STK3: variants seen among roughly 807,000 people sequenced by gnomAD.
STK3 encodes serine/threonine kinase 3.
STK3 carries 41 observed loss-of-function variants against 58.0 expected under a neutral mutation model. The ratio of observed to expected loss-of-function variants is 0.71; its 90% CI spans 0.55 to 0.92. The LOEUF (loss-of-function observed/expected upper bound fraction) is 0.92, where lower values mean the gene tolerates loss of function less well. Ranked by LOEUF, STK3 falls within the 40% of genes least tolerant of loss-of-function variation. STK3 has a pLI of 0.00. For missense variants in STK3, 479 were observed against 602.7 expected (o/e 0.79, Z 2.15); for synonymous variants, 170 against 191.0 (o/e 0.89, Z 0.91).
Position 98,440,316 on chromosome 8 carries a change from T to C in STK3, n.186-3108A>G, listed in dbSNP as rs148165632. Among the ~76,000 whole-genome samples the C allele has an allele frequency of 4.4e-3, 668 of 152,306 alleles. 5 individuals are homozygous for C. The highest frequency in any genetic ancestry group is 0.014 in the African/African-American group (600 of 41,552). On this transcript the variant is annotated intron_variant and non_coding_transcript_variant, in intron 1 of 3. Transcript: ENST00000517832. ...GCAGTCTTAAGGCAAATTTCTCCCA[T>C]TTCCATTTTTTAAAAATTTATTTTC...
At chr8:98,767,475 A>G in intron 2 of STK3, 104 bp from the exon 3 acceptor site, 1 of 1,070,180 alleles carries the variant, frequency 9.3e-7, no homozygotes, top group Non-Finnish European at 1.3e-6. Context: ...AGTTTAAAAC[A>G]CTATTTAAAT....
chr8:98,381,781 T>C (rs964425291), intron 1 of STK3, among the ~76,000 whole-genome samples: 1 of 152,208 alleles, frequency 6.6e-6, no homozygotes, highest in African/African-American at 2.4e-5. Context: ...TCCAGCCCAG[T>C]GCTCCCTGCC....
At chr8:98,559,726 C>G (rs773284034) in intron 8 of STK3, among the ~76,000 whole-genome samples, 5 of 152,048 alleles carry the variant, frequency 3.3e-5, no homozygotes, top group Non-Finnish European at 5.9e-5. Flanking sequence ...CACAGAAATA[C>G]GCCTTGGAGA....
chr8:98,928,327 C>T (rs962945297), intron 1 of STK3, among the ~76,000 whole-genome samples: 1 of 152,198 alleles, frequency 6.6e-6, no homozygotes, highest in African/African-American at 2.4e-5. Flanking sequence ...TTATCAATAC[C>T]TGGATTTATA....
At chr8:98,385,108 G>A (rs1817776885) in intron 1 of STK3, among the ~76,000 whole-genome samples, 1 of 152,072 alleles carries the variant, frequency 6.6e-6, no homozygotes, top group African/African-American at 2.4e-5. Context: ...CTTTTCCCCA[G>A]GAGAGAAATA....
intron 1 of STK3, among the ~76,000 whole-genome samples, chr8:98,819,767 T>A (rs1470820679): frequency 6.6e-6 from 1 of 152,202 alleles, no homozygotes; most frequent in Non-Finnish European, 1.5e-5. Context: ...CTCTCTGATA[T>A]ACACACAATT....
chr8:98,801,830 C>G (rs2131628432), intron 1 of STK3, among the ~76,000 whole-genome samples: 1 of 152,120 alleles, frequency 6.6e-6, no homozygotes, highest in South Asian at 2.1e-4. Context: ...TCTAGCACTT[C>G]AAAACAGTAA....
At chr8:98,374,606 G>A (rs1464480482) in intron 2 of STK3, among the ~76,000 whole-genome samples, 1 of 152,168 alleles carries the variant, frequency 6.6e-6, no homozygotes, top group Non-Finnish European at 1.5e-5. Context: ...GTCCTGGAGA[G>A]CAAATGCTTC....
chr8:98,838,074 C>CAAAAAAA (rs58973724), intron 3 of STK3, among the ~76,000 whole-genome samples: 19 of 58,774 alleles, frequency 3.2e-4, no homozygotes, highest in East Asian at 6.2e-4. Context: ...ACTAAAAATA[C>CAAAAAAA]AAAAAAAAAA....
intron 10 of STK3, among the ~76,000 whole-genome samples, chr8:98,463,946 A>T (rs574282614): frequency 6.6e-6 from 1 of 152,296 alleles, no homozygotes; most frequent in South Asian, 2.1e-4. Context: ...ATGGTCTTAC[A>T]TGTTAATGTT....
At chr8:98,748,736 T>C (rs1216709259) in intron 4 of STK3, among the ~76,000 whole-genome samples, 3 of 152,010 alleles carry the variant, frequency 2.0e-5, no homozygotes, top group Non-Finnish European at 4.4e-5. Flanking sequence ...CATAAAAAGC[T>C]TTTATTAAAC....
chr8:98,750,820 T>A (rs1587511868), intron 3 of STK3, among the ~76,000 whole-genome samples: 1 of 152,160 alleles, frequency 6.6e-6, no homozygotes, highest in Non-Finnish European at 1.5e-5. Context: ...TTTAGGCCAA[T>A]ATCCTTGATG....
chr8:98,936,768 G>C (rs1490800945), intron 1 of STK3, among the ~76,000 whole-genome samples: 2 of 152,204 alleles, frequency 1.3e-5, no homozygotes, highest in African/African-American at 4.8e-5. Context: ...TCCAGGAAAA[G>C]AAAAAGACAA....
At chr8:98,924,247 T>G (rs937074580) in intron 1 of STK3, among the ~76,000 whole-genome samples, 1 of 152,242 alleles carries the variant, frequency 6.6e-6, no homozygotes, top group Non-Finnish European at 1.5e-5. Context: ...TTAATAAGTT[T>G]GTGAACAAAG....
chr8:98,741,959 G>A (rs1459285596), intron 4 of STK3, among the ~76,000 whole-genome samples: 13 of 152,056 alleles, frequency 8.5e-5, no homozygotes, highest in African/African-American at 1.9e-4. Context: ...ACACCTCTAC[G>A]CAAATAAACT....
chr8:98,899,305 G>A (rs1838571261), intron 1 of STK3, among the ~76,000 whole-genome samples: 1 of 152,004 alleles, frequency 6.6e-6, no homozygotes, highest in Non-Finnish European at 1.5e-5. Context: ...TTTGCAAAGT[G>A]CTTAATATTA....
rs1455020150 is a variant in STK3 at position 98,894,754 on chromosome 8, T to C, written c.-78-10920A>G. Among the ~76,000 whole-genome samples, 4 of 152,214 alleles carry C rather than the reference T, an allele frequency of 2.6e-5. No individual in the cohort carries two copies. The East Asian group carries it at 7.7e-4, about 29-fold the overall frequency. On this transcript the variant is annotated intron_variant, in intron 1 of 1. Transcript: ENST00000519420. Reference sequence around the variant, plus strand: ...TCAATTAATTCATTCACTCTACAAGTATATACTTAATATAACAAATAATGT... The same window carrying C: ...TCAATTAATTCATTCACTCTACAAGCATATACTTAATATAACAAATAATGT...
At chr8:98,570,762 G>C (rs896074894) in intron 8 of STK3, among the ~76,000 whole-genome samples, 11 of 152,142 alleles carry the variant, frequency 7.2e-5, no homozygotes, top group African/African-American at 2.7e-4. Flanking sequence ...AGCATACTAT[G>C]TGCAAAACAT....
At chr8:98,698,593 CA>C (rs1825216906) in intron 6 of STK3, among the ~76,000 whole-genome samples, 1 of 152,168 alleles carries the variant, frequency 6.6e-6, no homozygotes, top group Admixed American at 6.6e-5. Flanking sequence ...TGCTTATCTG[CA>C]AAGTATTTTA....
Sources: gnomAD v4.1 joint callset for allele counts (sites outside exome capture counted in the v4.1 genomes callset) on GRCh38, gnomAD v4.1.1 for gene constraint, MANE v1.5 for transcripts, NCBI Gene and HGNC (gene_info 2026-07-23, HGNC 2026-07-21) for gene names.